The following BAZ2B variants were observed in gnomAD, a reference collection of about 807,000 sequenced individuals.
The protein encoded by BAZ2B is bromodomain adjacent to zinc finger domain protein 2B.
BAZ2B carries 91 observed loss-of-function variants against 246.0 expected under a neutral mutation model. The observed-to-expected ratio is 0.37, with a 90% confidence interval of 0.31 to 0.44. BAZ2B has a LOEUF of 0.44. BAZ2B is among the 20% of genes least tolerant of loss of function. The pLI is 1.00. For synonymous variants in BAZ2B, 855 were observed against 860.0 expected (o/e 0.99, Z 0.10); for missense variants, 2,332 against 2,533.7 (o/e 0.92, Z 1.71).
At chr2:159,621,191 T>C (rs751286457), upstream of BAZ2B, among the ~76,000 whole-genome samples, 7 of 152,234 alleles carry the variant, frequency 4.6e-5, no homozygotes, top group Non-Finnish European at 7.3e-5. Context: ...TGACGCTTTA[T>C]AGGCCTCTTT....
chr2:159,495,250 C>T (rs4374325), intron 2 of BAZ2B, among the ~76,000 whole-genome samples: 4 of 151,646 alleles, frequency 2.6e-5, no homozygotes, highest in Admixed American at 6.6e-5. Context: ...CTTTGGGAGG[C>T]CGAGGCGGGC....
chr2:159,438,808 G>A (rs2072880547), intron 7 of BAZ2B, 113 bp from the exon 8 acceptor site: 3 of 1,314,072 alleles, frequency 2.3e-6, no homozygotes, highest in African/African-American at 2.9e-5. Context: ...AATGCCTTAT[G>A]ATAATATCTA....
chr2:159,603,868 T>G (rs1692765875), intron 1 of BAZ2B, among the ~76,000 whole-genome samples: 1 of 152,210 alleles, frequency 6.6e-6, no homozygotes, highest in South Asian at 2.1e-4. Flanking sequence ...ATTTTCATCT[T>G]TTGCAGGAAT....
rs754923597 is a variant in BAZ2B at position 159,401,021 on chromosome 2, C to T, written c.2833-357G>A. Among the ~76,000 whole-genome samples the T allele has an allele frequency of 2.8e-4, 42 of 151,300 alleles. No homozygotes were observed. The East Asian group carries it at 2.9e-3, about 10-fold the overall frequency. On this transcript the variant is annotated intron_variant, in intron 16 of 36. Coordinates refer to ENST00000392783, the MANE Select transcript of BAZ2B (RefSeq NM_013450.4). The stretch of plus-strand genomic sequence containing the variant: ...ATGTGCCACTGCACTCCAGCCTGGG[C>T]GACAGAGCGAGACTCCGTCTCAAAA...
chr2:159,351,984 A>G (rs776133391), intron 27 of BAZ2B, among the ~76,000 whole-genome samples: 3 of 152,174 alleles, frequency 2.0e-5, no homozygotes, highest in Non-Finnish European at 4.4e-5. Context: ...TACGTTATCT[A>G]TGACTACCAT....
the BAZ2B span, among the ~76,000 whole-genome samples, chr2:159,686,246 A>G: frequency 4.6e-5 from 7 of 152,202 alleles, no homozygotes; most frequent in Non-Finnish European, 1.0e-4. Context: ...AGCTTGAGCT[A>G]TAGAGCTACT....
chr2:159,684,063 C>A, the BAZ2B span, among the ~76,000 whole-genome samples: 1 of 152,198 alleles, frequency 6.6e-6, no homozygotes, highest in Non-Finnish European at 1.5e-5. Context: ...TAAATGCAAT[C>A]ATTACAGTAA....
At chr2:159,597,995 CTTTTTT>C (rs10569900) in intron 1 of BAZ2B, among the ~76,000 whole-genome samples, 1 of 148,208 alleles carries the variant, frequency 6.7e-6, no homozygotes. Context: ...TAGACGTATT[CTTTTTT>C]TTTTTTTTTC....
chr2:159,427,795 T>C (rs1051852007), intron 13 of BAZ2B, 146 bp downstream of exon 13: 14 of 549,488 alleles, frequency 2.5e-5, no homozygotes, highest in South Asian at 3.0e-5. Context: ...ATTGAGGCCT[T>C]AATGAGTGCT....
At chr2:159,381,089 A>G (rs1208554701) in intron 25 of BAZ2B, among the ~76,000 whole-genome samples, 1 of 152,116 alleles carries the variant, frequency 6.6e-6, no homozygotes, top group African/African-American at 2.4e-5. Context: ...CTCCTATTAA[A>G]TACTGATGTT....
At chr2:159,543,067 T>C (rs747609507) in intron 2 of BAZ2B, among the ~76,000 whole-genome samples, 5 of 152,144 alleles carry the variant, frequency 3.3e-5, no homozygotes, top group Non-Finnish European at 7.4e-5. Flanking sequence ...CTCACAAAGT[T>C]GTTCGGAGGA....
intron 2 of BAZ2B, among the ~76,000 whole-genome samples, chr2:159,538,407 A>G (rs1319788425): frequency 6.6e-6 from 1 of 152,098 alleles, no homozygotes; most frequent in African/African-American, 2.4e-5. Flanking sequence ...ATTTATTTGT[A>G]ACTGCATTTT....
At chr2:159,685,458 C>G in the BAZ2B span, among the ~76,000 whole-genome samples, 1 of 151,986 alleles carries the variant, frequency 6.6e-6, no homozygotes, top group Admixed American at 6.6e-5. Flanking sequence ...TACCTAGTGC[C>G]AAGATCTTGG....
chr2:159,634,318 T>A, the BAZ2B span, among the ~76,000 whole-genome samples: 1 of 152,198 alleles, frequency 6.6e-6, no homozygotes, highest in Non-Finnish European at 1.5e-5. Flanking sequence ...AGCCAATTTT[T>A]AAAAATCTCA....
intron 3 of BAZ2B, among the ~76,000 whole-genome samples, chr2:159,456,380 A>G (rs2075776373): frequency 1.3e-5 from 2 of 152,124 alleles, no homozygotes; most frequent in Admixed American, 6.5e-5. Flanking sequence ...ATTGGGAAGA[A>G]GCAAACAAGC....
chr2:159,570,329 C>T (rs964428139), intron 1 of BAZ2B, among the ~76,000 whole-genome samples: 6 of 151,836 alleles, frequency 4.0e-5, no homozygotes, highest in African/African-American at 9.7e-5. Flanking sequence ...GGACTACAGG[C>T]GCACGCCACC....
chr2:159,678,736 A>G, the BAZ2B span, among the ~76,000 whole-genome samples: 2 of 152,232 alleles, frequency 1.3e-5, no homozygotes, highest in Non-Finnish European at 2.9e-5. Context: ...ACATAAAAAC[A>G]TATACAGATT....
chr2:159,590,715 G>A (rs1417216468), intron 1 of BAZ2B, among the ~76,000 whole-genome samples: 5 of 152,098 alleles, frequency 3.3e-5, no homozygotes, highest in Non-Finnish European at 7.4e-5. Context: ...ATTCCAAAAA[G>A]GTGTGCTAGT....
chr2:159,420,597 C>CA (rs774308751), intron 13 of BAZ2B, among the ~76,000 whole-genome samples: 8 of 152,016 alleles, frequency 5.3e-5, no homozygotes, highest in Non-Finnish European at 1.2e-4. Flanking sequence ...CTACAATTCA[C>CA]AAAAAATGCT....
Sources: gnomAD v4.1 joint callset for allele counts (sites outside exome capture counted in the v4.1 genomes callset) on GRCh38, gnomAD v4.1.1 for gene constraint, MANE v1.5 for transcripts, NCBI Gene and HGNC (gene_info 2026-07-23, HGNC 2026-07-21) for gene names.